The following PTPRD variants were observed in gnomAD, a reference collection of about 807,000 sequenced individuals.
PTPRD encodes receptor-type tyrosine-protein phosphatase delta.
A neutral mutation model predicts 214.5 loss-of-function variants in PTPRD; 34 were observed. That is an observed-to-expected ratio of 0.16 (90% CI 0.12 to 0.21). The LOEUF (loss-of-function observed/expected upper bound fraction) is 0.21, where lower values mean the gene tolerates loss of function less well. Among genes scored for constraint, PTPRD ranks in the 10% least tolerant of loss-of-function variants. The pLI is 1.00. For synonymous variants in PTPRD, 1,128 were observed against 845.7 expected (o/e 1.33, Z -5.79); for missense variants, 2,545 against 2,398.7 (o/e 1.06, Z -1.27).
chr9:10,321,434 G>C (rs2096550668), intron 3 of PTPRD, among the ~76,000 whole-genome samples: 1 of 152,028 alleles, frequency 6.6e-6, no homozygotes, highest in South Asian at 2.1e-4. Flanking sequence ...TTATAAAGAA[G>C]AAACTGAGGG....
intron 10 of PTPRD, among the ~76,000 whole-genome samples, chr9:9,146,517 G>T (rs979938965): frequency 6.6e-6 from 1 of 152,076 alleles, no homozygotes; most frequent in Non-Finnish European, 1.5e-5. Context: ...TTTTGTGGTG[G>T]TTGTCGTTTT....
intron 5 of PTPRD, among the ~76,000 whole-genome samples, chr9:9,831,511 TA>T (rs1314565639): frequency 3.3e-5 from 5 of 151,958 alleles, no homozygotes; most frequent in Non-Finnish European, 7.4e-5. Flanking sequence ...AGTACCCTTT[TA>T]TAACTTGTCT....
Position 10,111,248 on chromosome 9 carries a change from T to C in PTPRD, c.-544-77458A>G, listed in dbSNP as rs1473349988. Among the ~76,000 whole-genome samples, 15 of 134,844 alleles carry C rather than the reference T, an allele frequency of 1.1e-4. 1 individual carries two copies. The highest frequency in any genetic ancestry group is 3.7e-4 in the African/African-American group (13 of 35,010). The allele number at this position is 134,844 out of a possible 152,430, so 88.5% of individuals were successfully genotyped here. A position where few individuals can be genotyped will look rare whatever the true frequency, so the allele number is the denominator to read the frequency against. ...TAGTTTCTTTTTTTTTTTTTTTTTT[T>C]TTTTTTTTGAGACGGAGTCTCGCTC... On this transcript the variant is annotated intron_variant, in intron 3 of 45. Transcript: ENST00000381196.
At chr9:8,918,953 C>G (rs2098806234) in intron 11 of PTPRD, among the ~76,000 whole-genome samples, 1 of 152,120 alleles carries the variant, frequency 6.6e-6, no homozygotes, top group Admixed American at 6.5e-5. Flanking sequence ...AGAACACCTA[C>G]AAAGTTCGAC....
At chr9:8,420,970 A>G (rs566698197) in intron 35 of PTPRD, among the ~76,000 whole-genome samples, 9 of 152,106 alleles carry the variant, frequency 5.9e-5, no homozygotes, top group Non-Finnish European at 1.2e-4. Flanking sequence ...CTGTCCTGGC[A>G]ATATGTTGCC....
At chr9:10,514,470 A>G (rs2049335613) in intron 2 of PTPRD, among the ~76,000 whole-genome samples, 1 of 151,638 alleles carries the variant, frequency 6.6e-6, no homozygotes, top group African/African-American at 2.4e-5. Context: ...TATATAAAAT[A>G]AACTTTTTTA....
chr9:9,093,602 G>A (rs1459291190), intron 10 of PTPRD, among the ~76,000 whole-genome samples: 2 of 151,554 alleles, frequency 1.3e-5, no homozygotes, highest in African/African-American at 4.8e-5. Context: ...AAAAAGGCAA[G>A]TCACATGGGA....
intron 2 of PTPRD, among the ~76,000 whole-genome samples, chr9:10,581,510 G>T (rs2132420023): frequency 6.6e-6 from 1 of 152,264 alleles, no homozygotes; most frequent in Non-Finnish European, 1.5e-5. Flanking sequence ...AGTTCTTGAG[G>T]TAATATTCAA....
At chr9:8,624,195 A>T (rs1331852684) in intron 14 of PTPRD, among the ~76,000 whole-genome samples, 1 of 151,934 alleles carries the variant, frequency 6.6e-6, no homozygotes, top group East Asian at 1.9e-4. Flanking sequence ...TTAACGTAAC[A>T]ATAAGCACAA....
At chr9:9,493,327 G>C (rs1352749206) in intron 8 of PTPRD, among the ~76,000 whole-genome samples, 1 of 152,052 alleles carries the variant, frequency 6.6e-6, no homozygotes, top group Non-Finnish European at 1.5e-5. Context: ...CAGATAAAAA[G>C]ATTTCTTTCC....
chr9:9,705,447 C>T (rs2097581813), intron 7 of PTPRD, among the ~76,000 whole-genome samples: 1 of 151,922 alleles, frequency 6.6e-6, no homozygotes, highest in African/African-American at 2.4e-5. Context: ...TCTGAAGTGG[C>T]CTTAATATAA....
intron 5 of PTPRD, among the ~76,000 whole-genome samples, chr9:9,830,125 T>C (rs1760475473): frequency 6.6e-6 from 1 of 151,750 alleles, no homozygotes; most frequent in Non-Finnish European, 1.5e-5. Context: ...TAAAAATTCA[T>C]ATATATCTTT....
intron 23 of PTPRD, 131 bp downstream of exon 23, chr9:8,504,130 G>T: frequency 2.3e-6 from 2 of 853,346 alleles, no homozygotes; most frequent in Non-Finnish European, 3.7e-6. Context: ...CACCTGTGAA[G>T]TGTGATGCAT....
intron 36 of PTPRD, among the ~76,000 whole-genome samples, chr9:8,400,694 C>T (rs1409160931): frequency 2.0e-5 from 3 of 152,140 alleles, no homozygotes; most frequent in Non-Finnish European, 4.4e-5. Flanking sequence ...ATCAGAAGAG[C>T]TGGATTCTAG....
chr9:9,251,165 C>T (rs1368447050), intron 9 of PTPRD, among the ~76,000 whole-genome samples: 5 of 151,952 alleles, frequency 3.3e-5, no homozygotes, highest in Admixed American at 6.6e-5. Flanking sequence ...AAATCTAGTG[C>T]GGGCATTGCC....
At chr9:9,043,303 C>CCT (rs1050103266) in intron 10 of PTPRD, among the ~76,000 whole-genome samples, 3 of 152,106 alleles carry the variant, frequency 2.0e-5, no homozygotes, top group African/African-American at 7.2e-5. Context: ...ATTTTTAATA[C>CCT]CTGATGCTAC....
intron 5 of PTPRD, among the ~76,000 whole-genome samples, chr9:9,830,829 T>G (rs2054584165): frequency 1.3e-5 from 2 of 151,976 alleles, no homozygotes; most frequent in African/African-American, 4.8e-5. Flanking sequence ...ATTTCTAGCC[T>G]TGTTTTCAAA....
At chr9:8,395,252 C>A (rs1448875590) in intron 36 of PTPRD, among the ~76,000 whole-genome samples, 1 of 152,144 alleles carries the variant, frequency 6.6e-6, no homozygotes, top group African/African-American at 2.4e-5. Flanking sequence ...CCCTCCTCTA[C>A]TCCAACGCAC....
intron 5 of PTPRD, among the ~76,000 whole-genome samples, chr9:9,850,317 ATCATAT>A (rs2060304716): frequency 6.6e-6 from 1 of 152,160 alleles, no homozygotes; most frequent in Non-Finnish European, 1.5e-5. Context: ...ATTCTGGCTC[ATCATAT>A]AGTAAAGAAG....
Sources: gnomAD v4.1 joint callset for allele counts (sites outside exome capture counted in the v4.1 genomes callset) on GRCh38, gnomAD v4.1.1 for gene constraint, MANE v1.5 for transcripts, NCBI Gene and HGNC (gene_info 2026-07-23, HGNC 2026-07-21) for gene names.